CDH9: variants seen among roughly 807,000 people sequenced by gnomAD.
The protein encoded by CDH9 is cadherin-9.
In CDH9, 28 loss-of-function variants were observed where a neutral mutation model predicts 70.9. The ratio of observed to expected loss-of-function variants is 0.40; its 90% CI spans 0.29 to 0.54. The LOEUF is 0.54. CDH9 is among the 20% of genes least tolerant of loss of function. The pLI is 0.59. For missense variants in CDH9, 874 were observed against 984.4 expected, an observed-to-expected ratio of 0.89 and a Z score of 1.50; for synonymous variants, 409 against 343.1, an observed-to-expected ratio of 1.19 and a Z score of -2.12.
intron 11 of CDH9, among the ~76,000 whole-genome samples, chr5:26,883,617 T>G (rs181914035): frequency 1.3e-5 from 2 of 152,116 alleles, no homozygotes; most frequent in South Asian, 4.1e-4. Context: ...CAAACCATAG[T>G]TAGACTTGCT....
chr5:27,015,822 G>A (rs1182389100), intron 1 of CDH9, among the ~76,000 whole-genome samples: 1 of 151,442 alleles, frequency 6.6e-6, no homozygotes, highest in Non-Finnish European at 1.5e-5. Context: ...GTATATGAGG[G>A]TCACCTGTGT....
intron 1 of CDH9, among the ~76,000 whole-genome samples, chr5:27,011,132 C>A (rs1374756516): frequency 2.0e-5 from 3 of 152,060 alleles, no homozygotes; most frequent in Non-Finnish European, 2.9e-5. Flanking sequence ...AGACTATTAT[C>A]TCTCTAAGTG....
chr5:26,986,284 C>T (rs1041304202), intron 2 of CDH9, among the ~76,000 whole-genome samples: 9 of 151,800 alleles, frequency 5.9e-5, no homozygotes, highest in African/African-American at 1.2e-4. Context: ...GCAAAAAATT[C>T]GCACATCCTA....
intron 2 of CDH9, among the ~76,000 whole-genome samples, chr5:26,934,560 C>T (rs1257383545): frequency 1.3e-5 from 2 of 152,122 alleles, no homozygotes; most frequent in East Asian, 1.9e-4. Flanking sequence ...CACCTCCCAC[C>T]AGGCCCCACC....
At chr5:26,988,547 A>G (rs1180029965) in intron 1 of CDH9, among the ~76,000 whole-genome samples, 165 bp from the exon 2 acceptor site, 1 of 151,998 alleles carries the variant, frequency 6.6e-6, no homozygotes, top group African/African-American at 2.4e-5. Flanking sequence ...CATTTATCAC[A>G]TAGATAAGTA....
intron 2 of CDH9, among the ~76,000 whole-genome samples, chr5:26,976,071 G>T (rs1028499433): frequency 6.6e-6 from 1 of 152,132 alleles, no homozygotes; most frequent in African/African-American, 2.4e-5. Context: ...GAAAATGTTG[G>T]CAAGAAATCT....
chr5:26,910,432 G>A (rs1362732919), intron 3 of CDH9, among the ~76,000 whole-genome samples: 1 of 152,100 alleles, frequency 6.6e-6, no homozygotes, highest in African/African-American at 2.4e-5. Flanking sequence ...TTGTGGCATG[G>A]TAATGTCAGA....
intron 7 of CDH9, chr5:26,890,804 C>A (rs1740647114): frequency 2.6e-6 from 1 of 382,270 alleles, no homozygotes; most frequent in African/African-American, 2.1e-5. Flanking sequence ...ACACATGAAT[C>A]TGGATGGCAG....
intron 2 of CDH9, among the ~76,000 whole-genome samples, chr5:26,939,739 C>T (rs1225452725): frequency 1.3e-5 from 2 of 151,934 alleles, no homozygotes; most frequent in Non-Finnish European, 2.9e-5. Flanking sequence ...AGATGTTTAT[C>T]CTAATTATGT....
chr5:26,894,489 C>T (rs1196135953), intron 7 of CDH9, among the ~76,000 whole-genome samples: 1 of 151,996 alleles, frequency 6.6e-6, no homozygotes, highest in Non-Finnish European at 1.5e-5. Flanking sequence ...CACTCACAGA[C>T]GATACAGAAA....
intron 2 of CDH9, among the ~76,000 whole-genome samples, chr5:26,970,350 G>T (rs1031828547): frequency 4.6e-5 from 7 of 151,806 alleles, no homozygotes; most frequent in African/African-American, 1.7e-4. Context: ...GTAAAGAAAT[G>T]ACCATGAGTC....
chr5:26,987,740 A>G (rs1407402642), intron 2 of CDH9, among the ~76,000 whole-genome samples: 1 of 152,108 alleles, frequency 6.6e-6, no homozygotes, highest in Non-Finnish European at 1.5e-5. Flanking sequence ...AAATAGAAAT[A>G]TCTAGAAGTA....
At chr5:26,968,963 G>A (rs542924082) in intron 2 of CDH9, among the ~76,000 whole-genome samples, 2 of 152,244 alleles carry the variant, frequency 1.3e-5, no homozygotes, top group South Asian at 4.1e-4. Flanking sequence ...ATATATCAGA[G>A]GTTATAAATA....
chr5:26,953,521 A>G (rs1741889340), intron 2 of CDH9, among the ~76,000 whole-genome samples: 1 of 152,184 alleles, frequency 6.6e-6, no homozygotes, highest in Non-Finnish European at 1.5e-5. Context: ...GGCTCTCACA[A>G]CCACATCTCT....
chr5:26,995,398 T>G (rs566806869), intron 1 of CDH9, among the ~76,000 whole-genome samples: 10 of 152,144 alleles, frequency 6.6e-5, no homozygotes, highest in Non-Finnish European at 1.3e-4. Context: ...TCTGCAGTGA[T>G]GTAGAGTAAT....
chr5:27,018,834 G>A (rs1437991072), intron 1 of CDH9, among the ~76,000 whole-genome samples: 1 of 151,924 alleles, frequency 6.6e-6, no homozygotes, highest in East Asian at 1.9e-4. Flanking sequence ...ACTCCTAGAT[G>A]TCCAGCAGTC....
chr5:26,990,405 T>A (rs950932653), intron 1 of CDH9, among the ~76,000 whole-genome samples: 1 of 152,142 alleles, frequency 6.6e-6, no homozygotes, highest in Admixed American at 6.6e-5. Flanking sequence ...TTAATACATA[T>A]ATATGGTTAA....
intron 2 of CDH9, among the ~76,000 whole-genome samples, chr5:26,981,029 T>C (rs915706122): frequency 2.0e-5 from 3 of 152,076 alleles, no homozygotes; most frequent in Non-Finnish European, 4.4e-5. Context: ...CTAGCATAAC[T>C]AACGCCCCAT....
At chr5:26,887,389 A>T (rs1404912193) in intron 9 of CDH9, among the ~76,000 whole-genome samples, 2 of 151,204 alleles carry the variant, frequency 1.3e-5, no homozygotes, top group African/African-American at 4.8e-5. Flanking sequence ...AGTATATTTT[A>T]TGAGGATATA....
Sources: allele counts gnomAD v4.1 joint callset (sites outside exome capture counted in the v4.1 genomes callset), GRCh38; gene constraint gnomAD v4.1.1; transcripts MANE v1.5; gene names NCBI Gene and HGNC (gene_info 2026-07-23, HGNC 2026-07-21).